Variants in EPB41L5 observed in about 807,000 individuals in gnomAD.
EPB41L5 encodes the protein erythrocyte membrane protein band 4.1 like 5.
A neutral mutation model predicts 106.6 loss-of-function variants in EPB41L5; 55 were observed. That is an observed-to-expected ratio of 0.52 (90% CI 0.42 to 0.65). The LOEUF is 0.65. EPB41L5 is among the 30% of genes least tolerant of loss of function. The pLI, the probability that EPB41L5 is intolerant of heterozygous loss-of-function variation, is 0.00. For missense variants in EPB41L5, 871 were observed against 882.1 expected, an observed-to-expected ratio of 0.99 and a Z score of 0.16; for synonymous variants, 297 against 306.7, an observed-to-expected ratio of 0.97 and a Z score of 0.33.
intron 3 of EPB41L5, among the ~76,000 whole-genome samples, chr2:120,058,617 C>T (rs1680821009): frequency 6.6e-6 from 1 of 152,178 alleles, no homozygotes; most frequent in Non-Finnish European, 1.5e-5. Context: ...TTTACATTTA[C>T]CTGCAAAAGA....
In EPB41L5 at chr2:120,093,147, A is replaced by G. The variant is rs1356809702; in HGVS notation, c.1151-102A>G. ...AAAGAAATAAATTTATGGTTGTGAAACATGGCTTGTAAAGCAATTAGTTAA... is the reference window on the plus strand; with the variant it reads ...AAAGAAATAAATTTATGGTTGTGAAGCATGGCTTGTAAAGCAATTAGTTAA... On this transcript the variant is annotated intron_variant, in intron 13 of 24. Transcript: ENST00000263713. 9.4e-6 allele frequency: 9 copies of G among 957,198 alleles called. No individual in the cohort carries two copies. In the African/African-American group the frequency reaches 9.7e-5, roughly 10 times the overall value. The allele number at this position is 957,198 out of a possible 1,614,324, so 59.3% of individuals were successfully genotyped here. A position where few individuals can be genotyped will look rare whatever the true frequency, so the allele number is the denominator to read the frequency against.
chr2:120,019,919 T>C (rs1677810712), intron 2 of EPB41L5, among the ~76,000 whole-genome samples: 1 of 152,186 alleles, frequency 6.6e-6, no homozygotes, highest in African/African-American at 2.4e-5. Context: ...AGATTTTTTT[T>C]TTTTCAGAAA....
chr2:120,113,412 A>G (rs1314000959), intron 16 of EPB41L5, among the ~76,000 whole-genome samples: 1 of 152,240 alleles, frequency 6.6e-6, no homozygotes, highest in Admixed American at 6.5e-5. Flanking sequence ...GCAAGTGTCC[A>G]TGAAAAGTAA....
chr2:120,051,138 G>T (rs537738717), intron 3 of EPB41L5, among the ~76,000 whole-genome samples: 1 of 152,290 alleles, frequency 6.6e-6, no homozygotes, highest in African/African-American at 2.4e-5. Flanking sequence ...TCCATTCTCA[G>T]ATCTCAAACA....
intron 20 of EPB41L5, among the ~76,000 whole-genome samples, chr2:120,154,251 C>T (rs572702491): frequency 1.3e-4 from 19 of 151,974 alleles, no homozygotes; most frequent in African/African-American, 1.9e-4. Context: ...CTCTGCTTCC[C>T]GGGTTCAAGC....
intron 3 of EPB41L5, among the ~76,000 whole-genome samples, chr2:120,047,187 A>T (rs1679841177): frequency 6.6e-6 from 1 of 152,162 alleles, no homozygotes; most frequent in South Asian, 2.1e-4. Context: ...GTTTTTTCCA[A>T]TTCTGTGAAG....
rs35333671 is a variant in EPB41L5 at position 120,076,470 on chromosome 2, C to CTTTTTT, written c.506-480_506-475dup. On this transcript the variant is annotated intron_variant, in intron 7 of 24. Transcript: ENST00000263713. ...CCATTAGGCCTGGCTAATTTTTGTA[C>CTTTTTT]TTTTTTTTTTTTTTTTTTTTTTTTT... Among the ~76,000 whole-genome samples, 27 of 58,882 alleles carry CTTTTTT rather than the reference C, an allele frequency of 4.6e-4. 4 individuals carry two copies. In the East Asian group the frequency reaches 6.9e-3, roughly 15 times the overall value. 38.6% of individuals were successfully genotyped at this position (58,882 alleles called of 152,430 possible).
intron 18 of EPB41L5, among the ~76,000 whole-genome samples, chr2:120,139,356 C>A (rs992289930): frequency 6.6e-6 from 1 of 151,880 alleles, no homozygotes; most frequent in African/African-American, 2.4e-5. Context: ...AGTTCCTGCA[C>A]AGCAAAGGAA....
rs191862962 is a variant in EPB41L5, at chr2:120,039,236, G to C, written c.181-2770G>C. ...TACATGGGATGGGCAAATTCTTAGA[G>C]ACAGAAAGTATTAATGGGAGAGAAG... On this transcript the variant is annotated intron_variant, in intron 2 of 24. Transcript: ENST00000263713. Among the ~76,000 whole-genome samples the C allele has an allele frequency of 6.2e-4, 95 of 152,166 alleles. No homozygotes were observed. The East Asian group carries it at 0.016, about 26-fold the overall frequency.
At chr2:120,092,947 A>G (rs748901222) in intron 13 of EPB41L5, among the ~76,000 whole-genome samples, 12 of 152,180 alleles carry the variant, frequency 7.9e-5, no homozygotes, top group Non-Finnish European at 1.5e-4. Flanking sequence ...AGGTTTTTAG[A>G]TTTATGGTTG....
At chr2:120,109,323 A>T (rs1684613885) in intron 16 of EPB41L5, among the ~76,000 whole-genome samples, 1 of 152,138 alleles carries the variant, frequency 6.6e-6, no homozygotes, top group African/African-American at 2.4e-5. Flanking sequence ...TTGTTCTCCT[A>T]CAATGCTGGG....
chr2:120,174,545 A>AAGT (rs1272061927), intron 24 of EPB41L5, among the ~76,000 whole-genome samples: 2 of 152,092 alleles, frequency 1.3e-5, no homozygotes, highest in African/African-American at 4.8e-5. Context: ...ACTGTTCTTG[A>AAGT]TACTCATACT....
intron 1 of EPB41L5, among the ~76,000 whole-genome samples, chr2:120,016,895 C>T (rs912979235): frequency 2.6e-5 from 4 of 152,160 alleles, no homozygotes; most frequent in Non-Finnish European, 5.9e-5. Flanking sequence ...GAGAAAGAGA[C>T]TGGGACCAGG....
intron 20 of EPB41L5, among the ~76,000 whole-genome samples, chr2:120,160,031 CAT>C (rs1458022104): frequency 1.3e-5 from 2 of 152,098 alleles, no homozygotes; most frequent in African/African-American, 2.4e-5. Flanking sequence ...CACGTGGACA[CAT>C]AGAGGTGAAA....
At chr2:120,052,412 C>G (rs1680348827) in intron 3 of EPB41L5, among the ~76,000 whole-genome samples, 1 of 152,132 alleles carries the variant, frequency 6.6e-6, no homozygotes, top group African/African-American at 2.4e-5. Context: ...AATTTGATCC[C>G]TTGATTAAGA....
chr2:120,058,763 AGTT>A (rs1400661722), intron 3 of EPB41L5, among the ~76,000 whole-genome samples: 1 of 152,220 alleles, frequency 6.6e-6, no homozygotes, highest in African/African-American at 2.4e-5. Flanking sequence ...ATTTTTAAAA[AGTT>A]GTTAAACATA....
chr2:120,068,555 G>A (rs895269863), intron 3 of EPB41L5, among the ~76,000 whole-genome samples: 5 of 152,200 alleles, frequency 3.3e-5, no homozygotes, highest in African/African-American at 1.2e-4. Context: ...GCTTGAGTAG[G>A]CGGTTTTCCC....
chr2:120,094,944 CT>C (rs1482607511), intron 14 of EPB41L5, among the ~76,000 whole-genome samples: 1 of 152,010 alleles, frequency 6.6e-6, no homozygotes, highest in African/African-American at 2.4e-5. Flanking sequence ...CTTATTGAGA[CT>C]TTTTTTATGG....
intron 18 of EPB41L5, among the ~76,000 whole-genome samples, chr2:120,137,105 A>G (rs551185533): frequency 5.3e-5 from 8 of 152,116 alleles, no homozygotes; most frequent in Non-Finnish European, 8.8e-5. Flanking sequence ...AAATCAAACA[A>G]TATGCTTCCA....
Sources: allele counts gnomAD v4.1 joint callset (sites outside exome capture counted in the v4.1 genomes callset), GRCh38; gene constraint gnomAD v4.1.1; transcripts MANE v1.5; gene names NCBI Gene and HGNC (gene_info 2026-07-23, HGNC 2026-07-21).